Variants in ZBTB7C observed in about 807,000 individuals in gnomAD.
ZBTB7C encodes the protein zinc finger and BTB domain containing 7C.
ZBTB7C carries 8 observed loss-of-function variants against 25.7 expected under a neutral mutation model. The ratio of observed to expected loss-of-function variants is 0.31; its 90% confidence interval spans 0.18 to 0.56. The LOEUF (loss-of-function observed/expected upper bound fraction) is 0.56. Among genes scored for constraint, ZBTB7C ranks in the 20% least tolerant of loss-of-function variants. ZBTB7C has a pLI of 0.91. For synonymous variants in ZBTB7C, 394 were observed against 369.0 expected (o/e 1.07, Z -0.78); for missense variants, 824 against 855.2 (o/e 0.96, Z 0.46).
At chr18:48,270,163 A>G (rs979320558) in intron 2 of ZBTB7C, among the ~76,000 whole-genome samples, 6 of 152,014 alleles carry the variant, frequency 3.9e-5, no homozygotes, top group African/African-American at 1.4e-4. Flanking sequence ...CAAAGAAAGT[A>G]GAAGAGATAA....
At chr18:48,323,709 G>T (rs1186488303) in intron 2 of ZBTB7C, among the ~76,000 whole-genome samples, 2 of 152,132 alleles carry the variant, frequency 1.3e-5, no homozygotes, top group Non-Finnish European at 2.9e-5. Context: ...GATTTAACAT[G>T]CTCCTACTGT....
chr18:48,397,319 A>G (rs1036272514), intron 1 of ZBTB7C, among the ~76,000 whole-genome samples: 1 of 152,124 alleles, frequency 6.6e-6, no homozygotes, highest in African/African-American at 2.4e-5. Context: ...ACACACCTAC[A>G]GATTTCTTCA....
intron 3 of ZBTB7C, among the ~76,000 whole-genome samples, chr18:48,075,562 G>A (rs2144433464): frequency 6.6e-6 from 1 of 152,266 alleles, no homozygotes; most frequent in African/African-American, 2.4e-5. Flanking sequence ...CACAGTTTTG[G>A]GTTGATTGAT....
Position 48,159,157 on chromosome 18 carries a change from T to TCATGG in ZBTB7C, c.-17+26772_-17+26776dup, listed in dbSNP as rs2040926389. Among the ~76,000 whole-genome samples, 2 of 151,880 alleles carry TCATGG rather than the reference T, an allele frequency of 1.3e-5. 1 individual carries two copies. Among genetic ancestry groups the TCATGG allele is most frequent in the Non-Finnish European group, 2.9e-5 (2 of 68,030 alleles). On this transcript the variant is annotated intron_variant, in intron 3 of 4. Coordinates refer to ENST00000590800, the MANE Select transcript of ZBTB7C (RefSeq NM_001318841.2). ...TCAGAAGCTTCTGGAAGGGTAGGGGTCATGGCTTATTTATTTATTTTTTCC... is the reference window on the plus strand; with the variant it reads ...TCAGAAGCTTCTGGAAGGGTAGGGGTCATGGCATGGCTTATTTATTTATTTTTTCC...
chr18:48,258,533 A>T (rs143872052), intron 2 of ZBTB7C, among the ~76,000 whole-genome samples: 20 of 152,346 alleles, frequency 1.3e-4, no homozygotes, highest in African/African-American at 4.1e-4. Context: ...TGTTTTAAGA[A>T]CTATAAATAG....
chr18:48,380,040 CAA>C (rs1346682525), intron 1 of ZBTB7C, among the ~76,000 whole-genome samples: 1 of 152,072 alleles, frequency 6.6e-6, no homozygotes, highest in Non-Finnish European at 1.5e-5. Context: ...CTTTATAGCA[CAA>C]AGAGTAAACC....
chr18:48,265,623 T>C (rs979309749), intron 2 of ZBTB7C, among the ~76,000 whole-genome samples: 2 of 152,128 alleles, frequency 1.3e-5, no homozygotes, highest in Non-Finnish European at 2.9e-5. Context: ...TATGGTCACA[T>C]TGAAAATAAA....
chr18:48,119,676 A>G (rs562009278), intron 3 of ZBTB7C, among the ~76,000 whole-genome samples: 2 of 152,344 alleles, frequency 1.3e-5, no homozygotes, highest in South Asian at 4.1e-4. Context: ...TGGTGGGCCC[A>G]GACAGCTTGC....
chr18:48,187,117 G>GTGGCAAGC (rs1295248177), intron 2 of ZBTB7C, among the ~76,000 whole-genome samples: 1 of 152,208 alleles, frequency 6.6e-6, no homozygotes. Flanking sequence ...CACACAAGCA[G>GTGGCAAGC]TGGCAAGCTG....
intron 2 of ZBTB7C, among the ~76,000 whole-genome samples, chr18:48,324,863 T>A (rs1469046126): frequency 6.6e-6 from 1 of 152,124 alleles, no homozygotes; most frequent in Admixed American, 6.5e-5. Context: ...CTGGACCACA[T>A]GACGACTCAG....
At chr18:48,184,907 T>A (rs952576443) in intron 3 of ZBTB7C, among the ~76,000 whole-genome samples, 5 of 152,104 alleles carry the variant, frequency 3.3e-5, no homozygotes, top group Non-Finnish European at 5.9e-5. Context: ...TTTCCTATAA[T>A]CTACTCAGTG....
At chr18:48,278,468 C>T (rs1276843210) in intron 2 of ZBTB7C, among the ~76,000 whole-genome samples, 2 of 151,654 alleles carry the variant, frequency 1.3e-5, no homozygotes, top group South Asian at 2.1e-4. Flanking sequence ...GACAGTCTTG[C>T]CCTGTCATCC....
chr18:48,049,831 C>T (rs945746937), intron 3 of ZBTB7C, among the ~76,000 whole-genome samples: 3 of 152,098 alleles, frequency 2.0e-5, no homozygotes, highest in South Asian at 2.1e-4. Context: ...TGGTGCCTCC[C>T]TGAATCCTGC....
rs953786933 is a variant in ZBTB7C, at chr18:48,026,857, A to G, written c.*2403T>C. 1.3e-5 allele frequency: 2 copies of G among 151,982 alleles called. No homozygotes were observed. The highest frequency in any genetic ancestry group is 2.9e-5 in the Non-Finnish European group (2 of 67,992). The allele number at this position is 151,982 out of a possible 1,614,324, so 9.4% of individuals were successfully genotyped here. On this transcript the variant is annotated 3_prime_UTR_variant, in exon 5 of 5. Coordinates refer to ENST00000590800, the MANE Select transcript of ZBTB7C (RefSeq NM_001318841.2). ...TGTGAACTTTCAGAAGTCACATCTCACAGAAGTGCAACTCTCAATATAATT... is the reference window on the plus strand; with the variant it reads ...TGTGAACTTTCAGAAGTCACATCTCGCAGAAGTGCAACTCTCAATATAATT...
At chr18:48,191,541 G>A (rs2042195780) in intron 2 of ZBTB7C, among the ~76,000 whole-genome samples, 1 of 152,254 alleles carries the variant, frequency 6.6e-6, no homozygotes, top group African/African-American at 2.4e-5. Context: ...ATGGTGGCGG[G>A]TGGAGGACAC....
chr18:48,203,959 TA>T (rs1455687859), intron 2 of ZBTB7C, among the ~76,000 whole-genome samples: 1 of 152,208 alleles, frequency 6.6e-6, no homozygotes, highest in Non-Finnish European at 1.5e-5. Flanking sequence ...TGACAGCTGT[TA>T]AGCCATCCTT....
intron 2 of ZBTB7C, among the ~76,000 whole-genome samples, chr18:48,283,122 C>T (rs1419670392): frequency 6.6e-6 from 1 of 152,072 alleles, no homozygotes; most frequent in Non-Finnish European, 1.5e-5. Context: ...GGGAATTTGG[C>T]AATATTTATC....
chr18:48,125,526 AG>A (rs1240425267), intron 3 of ZBTB7C, among the ~76,000 whole-genome samples: 1 of 152,216 alleles, frequency 6.6e-6, no homozygotes, highest in Non-Finnish European at 1.5e-5. Flanking sequence ...AACTTGTTTC[AG>A]GATTCGGCTA....
chr18:48,336,208 T>A (rs1291561254), intron 2 of ZBTB7C, among the ~76,000 whole-genome samples: 3 of 152,190 alleles, frequency 2.0e-5, no homozygotes. Flanking sequence ...ACATTTTCTG[T>A]GGCCAGAGAA....
Sources: allele counts gnomAD v4.1 joint callset (sites outside exome capture counted in the v4.1 genomes callset), GRCh38; gene constraint gnomAD v4.1.1; transcripts MANE v1.5; gene names NCBI Gene and HGNC (gene_info 2026-07-23, HGNC 2026-07-21).